The following EPHA6 variants were observed in gnomAD, a reference collection of about 807,000 sequenced individuals.
EPHA6 encodes the protein EPH receptor A6.
In EPHA6, 50 loss-of-function variants were observed where a neutral mutation model predicts 112.0. The ratio of observed to expected loss-of-function variants is 0.45; its 90% CI spans 0.36 to 0.56. The LOEUF (loss-of-function observed/expected upper bound fraction) is 0.56, where lower values mean the gene tolerates loss of function less well. Ranked by LOEUF, EPHA6 falls within the 20% of genes least tolerant of loss-of-function variation. The pLI is 0.00. For synonymous variants in EPHA6, 529 were observed against 490.7 expected (o/e 1.08, Z -1.03); for missense variants, 1,280 against 1,417.4 (o/e 0.90, Z 1.56).
chr3:96,918,147 G>A (rs1292672515), intron 2 of EPHA6, among the ~76,000 whole-genome samples: 1 of 151,982 alleles, frequency 6.6e-6, no homozygotes, highest in East Asian at 1.9e-4. Flanking sequence ...GATTTTCCTT[G>A]CATAGAGATT....
rs754330954 is a variant in EPHA6, at chr3:97,484,073, C to G, written c.2200+14C>G. 9 of 1,594,026 alleles carry G rather than the reference C, an allele frequency of 5.6e-6. No homozygotes were observed. The highest frequency in any genetic ancestry group is 7.7e-6 in the Non-Finnish European group (9 of 1,172,192). The stretch of plus-strand genomic sequence containing the variant: ...TCATTGGGGCAGGTAAATGTCAAAT[C>G]TACACTTTTGAACAAAACATTCCTT... On this transcript the variant is annotated intron_variant, in intron 10 of 17. Coordinates refer to ENST00000389672, the MANE Select transcript of EPHA6 (RefSeq NM_001080448.3).
chr3:97,074,766 G>A (rs983975079), intron 3 of EPHA6, among the ~76,000 whole-genome samples: 41 of 151,912 alleles, frequency 2.7e-4, no homozygotes, highest in African/African-American at 9.4e-4. Flanking sequence ...AAGCAGAGTT[G>A]CAAAATTTTA....
chr3:97,141,711 C>A (rs2075909322), intron 3 of EPHA6, among the ~76,000 whole-genome samples: 1 of 151,524 alleles, frequency 6.6e-6, no homozygotes, highest in Admixed American at 6.6e-5. Context: ...GTGTAAAATG[C>A]CTACATCAAA....
intron 2 of EPHA6, among the ~76,000 whole-genome samples, chr3:96,911,496 C>T (rs998073707): frequency 6.6e-6 from 1 of 151,926 alleles, no homozygotes; most frequent in Non-Finnish European, 1.5e-5. Flanking sequence ...ATAGCAGTTA[C>T]ATTTGAGCAT....
chr3:97,151,934 T>C (rs557737185), intron 3 of EPHA6, among the ~76,000 whole-genome samples: 1 of 152,116 alleles, frequency 6.6e-6, no homozygotes, highest in South Asian at 2.1e-4. Context: ...TTTTTATTAA[T>C]AAATGGAATT....
At chr3:97,641,825 T>C (rs1314965670) in intron 14 of EPHA6, among the ~76,000 whole-genome samples, 1 of 151,974 alleles carries the variant, frequency 6.6e-6, no homozygotes, top group East Asian at 1.9e-4. Context: ...AGCACAGCAG[T>C]CTGAGATCAA....
rs570145935 is a variant in EPHA6 at position 96,905,085 on chromosome 3, CAT to C, written c.450+38197_450+38198del. Among the ~76,000 whole-genome samples the C allele has an allele frequency of 4.6e-3, 698 of 152,022 alleles. 5 individuals carry two copies. The highest frequency in any genetic ancestry group is 8.3e-3 in the Non-Finnish European group (562 of 67,934). ...AGGAATGCAAAAAGAGTACATGTGA[CAT>C]GTGTTTTAAAATGTTAATTGCCTAG... is the stretch of plus-strand genomic sequence containing the variant. On this transcript the variant is annotated intron_variant, in intron 2 of 17. Coordinates refer to ENST00000389672, the MANE Select transcript of EPHA6 (RefSeq NM_001080448.3).
chr3:97,122,219 C>G (rs2048060995), intron 3 of EPHA6, among the ~76,000 whole-genome samples: 1 of 151,966 alleles, frequency 6.6e-6, no homozygotes, highest in Admixed American at 6.6e-5. Context: ...TCAGTTTGGT[C>G]CACTCTCATT....
At chr3:97,664,902 T>C (rs1165875817) in intron 14 of EPHA6, among the ~76,000 whole-genome samples, 11 of 152,166 alleles carry the variant, frequency 7.2e-5, no homozygotes, top group Non-Finnish European at 1.6e-4. Context: ...CCCAAGGTAA[T>C]TTATAGATTC....
At chr3:97,462,553 A>G (rs571330775) in intron 7 of EPHA6, among the ~76,000 whole-genome samples, 3 of 152,272 alleles carry the variant, frequency 2.0e-5, no homozygotes, top group South Asian at 4.1e-4. Flanking sequence ...TAGTCATCTC[A>G]TGAATGTCCT....
intron 12 of EPHA6, among the ~76,000 whole-genome samples, chr3:97,598,479 T>C (rs2093613952): frequency 7.3e-6 from 1 of 137,622 alleles, no homozygotes; most frequent in African/African-American, 2.7e-5. Flanking sequence ...TGTGATCTCA[T>C]TGTTCAATTC....
intron 14 of EPHA6, among the ~76,000 whole-genome samples, chr3:97,682,359 G>A (rs547850444): frequency 5.1e-4 from 77 of 152,232 alleles, no homozygotes; most frequent in African/African-American, 1.9e-3. Context: ...AGCTAAAAAT[G>A]AAATGATTTA....
At chr3:97,570,734 A>G (rs1330292983) in intron 11 of EPHA6, among the ~76,000 whole-genome samples, 1 of 152,144 alleles carries the variant, frequency 6.6e-6, no homozygotes, top group Admixed American at 6.5e-5. Context: ...GTTTCAAAAA[A>G]AAAAAAAGTA....
chr3:97,222,738 A>T (rs2078244092), intron 3 of EPHA6, among the ~76,000 whole-genome samples: 1 of 152,246 alleles, frequency 6.6e-6, no homozygotes, highest in South Asian at 2.1e-4. Context: ...TAATTAGCAG[A>T]GTACTCACAC....
At chr3:97,354,555 C>A (rs1002520463) in intron 5 of EPHA6, among the ~76,000 whole-genome samples, 2 of 151,920 alleles carry the variant, frequency 1.3e-5, no homozygotes. Flanking sequence ...TGAAAATATA[C>A]ACAGTCAGAG....
intron 5 of EPHA6, among the ~76,000 whole-genome samples, chr3:97,254,430 C>T (rs959017810): frequency 2.6e-5 from 4 of 152,152 alleles, no homozygotes; most frequent in South Asian, 2.1e-4. Flanking sequence ...CCTCTTGTTC[C>T]GCCTGCCTTG....
At chr3:96,938,044 T>C (rs2040702780) in intron 2 of EPHA6, among the ~76,000 whole-genome samples, 1 of 152,118 alleles carries the variant, frequency 6.6e-6, no homozygotes, top group Non-Finnish European at 1.5e-5. Flanking sequence ...GGTAGTGTGA[T>C]GCCTCCAGCT....
chr3:97,019,624 C>T (rs1443298095), intron 3 of EPHA6, among the ~76,000 whole-genome samples: 2 of 152,126 alleles, frequency 1.3e-5, no homozygotes, highest in Non-Finnish European at 2.9e-5. Context: ...ATTCCTTTGT[C>T]TTGGGGATTA....
intron 3 of EPHA6, among the ~76,000 whole-genome samples, chr3:97,022,873 C>A (rs1007956424): frequency 6.6e-6 from 1 of 152,170 alleles, no homozygotes; most frequent in Non-Finnish European, 1.5e-5. Flanking sequence ...TCTTTGTTTT[C>A]TGCCTGAATG....
Sources: allele counts gnomAD v4.1 joint callset (sites outside exome capture counted in the v4.1 genomes callset), GRCh38; gene constraint gnomAD v4.1.1; transcripts MANE v1.5; gene names NCBI Gene and HGNC (gene_info 2026-07-23, HGNC 2026-07-21).